The following EPB41L4A variants were observed in gnomAD, a reference collection of about 807,000 sequenced individuals.
The protein encoded by EPB41L4A is band 4.1-like protein 4A.
EPB41L4A carries 100 observed loss-of-function variants against 108.6 expected under a neutral mutation model. The ratio of observed to expected loss-of-function variants is 0.92; its 90% CI spans 0.78 to 1.09. The LOEUF is 1.09. EPB41L4A is among the 50% of genes least tolerant of loss of function. EPB41L4A has a pLI of 0.00. For synonymous variants in EPB41L4A, 319 were observed against 289.0 expected, an observed-to-expected ratio of 1.10 and a Z score of -1.05; for missense variants, 1,030 against 842.7, an observed-to-expected ratio of 1.22 and a Z score of -2.75.
intron 2 of EPB41L4A, among the ~76,000 whole-genome samples, chr5:112,294,900 CAGA>C (rs1432741536): frequency 1.3e-5 from 2 of 152,222 alleles, no homozygotes; most frequent in African/African-American, 4.8e-5. Context: ...TTTTAAGCCA[CAGA>C]AGGAGACACC....
chr5:112,218,916 G>A (rs1055977118), intron 12 of EPB41L4A, among the ~76,000 whole-genome samples: 2 of 152,112 alleles, frequency 1.3e-5, no homozygotes, highest in Non-Finnish European at 2.9e-5. Flanking sequence ...ATAATTTGAA[G>A]TATAAATATG....
intron 4 of EPB41L4A, among the ~76,000 whole-genome samples, chr5:112,272,735 T>G (rs1752351226): frequency 7.9e-6 from 1 of 126,162 alleles, no homozygotes; most frequent in African/African-American, 3.0e-5. Context: ...GAGCTGAGAT[T>G]GCACCACTGC....
intron 12 of EPB41L4A, among the ~76,000 whole-genome samples, chr5:112,231,129 A>T (rs1265481095): frequency 6.6e-6 from 1 of 152,246 alleles, no homozygotes; most frequent in Non-Finnish European, 1.5e-5. Context: ...TATGGTTTTC[A>T]AATTTTGAAA....
chr5:112,247,313 T>C (rs1006940396), intron 9 of EPB41L4A, among the ~76,000 whole-genome samples: 1 of 152,190 alleles, frequency 6.6e-6, no homozygotes, highest in Non-Finnish European at 1.5e-5. Context: ...AAGTTATTCA[T>C]TTAAAATAAG....
rs1030305140 is a variant in EPB41L4A at position 112,280,280 on chromosome 5, A to C, written c.248T>G (p.Leu83Arg). 6.2e-7 allele frequency: 1 copy of C among 1,613,840 alleles called. No individual in the cohort carries two copies. Among genetic ancestry groups the C allele is most frequent in the African/African-American group, 1.3e-5 (1 of 74,936 alleles). The change falls in exon 3 of 23, where the codon CTG (leucine) becomes CGG (arginine). Residue 83 changes from leucine (L) to arginine (R), a missense_variant. Transcript: ENST00000261486. Reference protein sequence around the residue: ...PAKTLAEHKELINTGPPYTLY... With the variant: ...PAKTLAEHKERINTGPPYTLY... The stretch of plus-strand genomic sequence containing the variant: ...AAAAGCTAAATACCTACTGTTGATC[A>C]GTTCTTTGTGTTCAGCAAGGGTTTT...
intron 12 of EPB41L4A, among the ~76,000 whole-genome samples, chr5:112,213,901 A>G (rs1344294384): frequency 6.6e-6 from 1 of 152,262 alleles, no homozygotes; most frequent in Non-Finnish European, 1.5e-5. Flanking sequence ...TAAAAGCAGT[A>G]AATATACTTT....
chr5:112,209,984 T>C lies in EPB41L4A; in HGVS notation c.1088-2A>G. ...TTATCCTACTGATGCTGTTTGATTC[T>C]AGCAGAGGAGGAGAAGGAAAGATGG... On this transcript the variant is annotated splice_acceptor_variant, in intron 12 of 22. Coordinates refer to ENST00000261486, the MANE Select transcript of EPB41L4A (RefSeq NM_022140.5). LOFTEE classifies it high-confidence loss of function. The C allele has an allele frequency of 2.0e-6, 3 of 1,531,176 alleles. No individual in the cohort carries two copies. The highest frequency in any genetic ancestry group is 2.7e-6 in the Non-Finnish European group (3 of 1,110,470). 94.8% of individuals were successfully genotyped at this position (1,531,176 alleles called of 1,614,324 possible).
chr5:112,358,572 T>G (rs149420538), intron 1 of EPB41L4A, among the ~76,000 whole-genome samples: 3 of 152,348 alleles, frequency 2.0e-5, no homozygotes, highest in South Asian at 4.1e-4. Context: ...ATGGCAAGGA[T>G]GCAGAGCAAC....
intron 1 of EPB41L4A, among the ~76,000 whole-genome samples, chr5:112,347,079 A>C (rs940977359): frequency 3.9e-5 from 6 of 152,236 alleles, no homozygotes; most frequent in African/African-American, 1.2e-4. Flanking sequence ...AGATCTACAC[A>C]AAATTCTGTG....
chr5:112,172,808 T>A (rs562099000), intron 18 of EPB41L4A, among the ~76,000 whole-genome samples: 1 of 152,308 alleles, frequency 6.6e-6, no homozygotes, highest in East Asian at 1.9e-4. Flanking sequence ...CTACTGATCA[T>A]TATTCTTATT....
chr5:112,295,641 TA>T (rs1399181847), intron 2 of EPB41L4A, among the ~76,000 whole-genome samples: 1 of 152,204 alleles, frequency 6.6e-6, no homozygotes, highest in Admixed American at 6.5e-5. Flanking sequence ...ATACTGATGT[TA>T]ACAAAGTTGT....
intron 1 of EPB41L4A, among the ~76,000 whole-genome samples, chr5:112,403,898 A>G (rs1295325193): frequency 6.6e-6 from 1 of 152,208 alleles, no homozygotes; most frequent in East Asian, 1.9e-4. Flanking sequence ...CAAAGGAGTT[A>G]TTTTCAGCTA....
At chr5:112,405,788 CAT>C (rs1322904451) in intron 1 of EPB41L4A, among the ~76,000 whole-genome samples, 4 of 152,220 alleles carry the variant, frequency 2.6e-5, no homozygotes, top group African/African-American at 4.8e-5. Flanking sequence ...ATCTCCACCA[CAT>C]GATTCAATAC....
At chr5:112,418,887 C>G in intron 1 of EPB41L4A, 54 bp downstream of exon 1, 1 of 1,431,688 alleles carries the variant, frequency 7.0e-7, no homozygotes. Flanking sequence ...AAGCGATGGA[C>G]CCCCGCACCC....
At chr5:112,256,920 T>G (rs2150427806) in intron 9 of EPB41L4A, 2 of 152,324 alleles carry the variant, frequency 1.3e-5, no homozygotes, top group African/African-American at 4.8e-5. Context: ...AAAGTTTAGT[T>G]TTTTGTAAAA....
At chr5:112,416,518 T>C (rs1029002112) in intron 1 of EPB41L4A, among the ~76,000 whole-genome samples, 2 of 152,166 alleles carry the variant, frequency 1.3e-5, no homozygotes, top group African/African-American at 2.4e-5. Context: ...ATTTTTCTAG[T>C]TAATTTCAGA....
intron 13 of EPB41L4A, among the ~76,000 whole-genome samples, chr5:112,144,725 G>A (rs148710174): frequency 6.6e-6 from 1 of 152,326 alleles, no homozygotes; most frequent in East Asian, 1.9e-4. Flanking sequence ...TTGGGTGAAA[G>A]TAGCAATGAC....
At chr5:112,392,661 G>A (rs1761031021) in intron 1 of EPB41L4A, 3 of 152,264 alleles carry the variant, frequency 2.0e-5, no homozygotes, top group African/African-American at 7.2e-5. Flanking sequence ...ACACCCCACT[G>A]TCAATATTAG....
At chr5:112,342,183 A>G (rs1475172914) in intron 1 of EPB41L4A, among the ~76,000 whole-genome samples, 2 of 152,324 alleles carry the variant, frequency 1.3e-5, no homozygotes, top group South Asian at 2.1e-4. Flanking sequence ...GATACTGGGT[A>G]ATGAAGAGAA....
Sources: gnomAD v4.1 joint callset for allele counts (sites outside exome capture counted in the v4.1 genomes callset) on GRCh38, gnomAD v4.1.1 for gene constraint, MANE v1.5 for transcripts, NCBI Gene and HGNC (gene_info 2026-07-23, HGNC 2026-07-21) for gene names.